Variants in MFHAS1 observed in about 807,000 individuals in gnomAD.
The protein encoded by MFHAS1 is multifunctional ROCO family signaling regulator 1, also known as malignant fibrous histiocytoma-amplified sequence 1.
MFHAS1 carries 50 observed loss-of-function variants against 70.4 expected under a neutral mutation model. The ratio of observed to expected loss-of-function variants is 0.71; its 90% confidence interval spans 0.57 to 0.90. The LOEUF (loss-of-function observed/expected upper bound fraction) is 0.90, where lower values mean the gene tolerates loss of function less well. MFHAS1 is among the 40% of genes least tolerant of loss of function. MFHAS1 has a pLI of 0.00. For missense variants in MFHAS1, 1,795 were observed against 1,347.6 expected (o/e 1.33, Z -5.20); for synonymous variants, 952 against 620.0 (o/e 1.54, Z -7.96).
chr8:8,844,151 A>G (rs1169790437), intron 1 of MFHAS1, among the ~76,000 whole-genome samples: 1 of 152,182 alleles, frequency 6.6e-6, no homozygotes, highest in Admixed American at 6.5e-5. Flanking sequence ...CTAGCAAGAG[A>G]ACTGTGGGCA....
At chr8:8,881,608 C>A (rs1263306704) in intron 1 of MFHAS1, among the ~76,000 whole-genome samples, 1 of 152,048 alleles carries the variant, frequency 6.6e-6, no homozygotes, top group Admixed American at 6.6e-5. Context: ...CTGAGGCGGG[C>A]GGATCACCTG....
At chr8:8,848,281 G>A (rs556377692) in intron 1 of MFHAS1, among the ~76,000 whole-genome samples, 3 of 151,816 alleles carry the variant, frequency 2.0e-5, no homozygotes, top group African/African-American at 7.3e-5. Context: ...CCTCCTCCTA[G>A]TCTTCAAAGA....
Position 8,786,043 on chromosome 8 carries a change from AC to A in MFHAS1, c.3137del (p.Gly1046ValfsTer46). On this transcript the variant is annotated frameshift_variant, in exon 3 of 3. Transcript: ENST00000276282. LOFTEE classifies it high-confidence loss of function. Reference protein sequence around the residue: ...VISPCSKKNVGEKHRNQ With the variant: ...VISPCSKKNVXEKHRNQ ...AACGTCACTGGTTTCTGTGCTTTTC[AC>A]CAACATTCTTCCTGTATGGGTGGAC... 1 of 1,614,170 alleles carries A rather than the reference AC, an allele frequency of 6.2e-7. No individual in the cohort carries two copies. Among genetic ancestry groups the A allele is most frequent in the Middle Eastern group, 1.6e-4 (1 of 6,062 alleles).
At chr8:8,795,976 C>G (rs1805878471) in intron 2 of MFHAS1, among the ~76,000 whole-genome samples, 3 of 152,202 alleles carry the variant, frequency 2.0e-5, no homozygotes, top group Non-Finnish European at 1.5e-5. Flanking sequence ...GTGCTGACAT[C>G]ACCCAGATCA....
rs533549745 is a variant in MFHAS1 at position 8,804,589 on chromosome 8, T to C, written c.2999-7098A>G. The stretch of plus-strand genomic sequence containing the variant: ...CCTCAGCACCTATCTTCAGTGAGTA[T>C]TCATGGCCTGGTCACTAGGCAACAC... On this transcript the variant is annotated intron_variant, in intron 1 of 2. Coordinates refer to ENST00000276282, the MANE Select transcript of MFHAS1 (RefSeq NM_004225.3). 2.6e-5 allele frequency among the ~76,000 whole-genome samples: 4 copies of C among 152,302 alleles called. No individual in the cohort carries two copies. In the East Asian group the frequency reaches 7.7e-4, roughly 29 times the overall value.
chr8:8,793,674 T>C (rs1163253427), intron 2 of MFHAS1, among the ~76,000 whole-genome samples: 1 of 152,254 alleles, frequency 6.6e-6, no homozygotes, highest in East Asian at 1.9e-4. Flanking sequence ...GCAGACAGCA[T>C]GGACAGTTTT....
At chr8:8,828,796 G>A (rs928771298) in intron 1 of MFHAS1, among the ~76,000 whole-genome samples, 1 of 152,186 alleles carries the variant, frequency 6.6e-6, no homozygotes, top group Admixed American at 6.5e-5. Flanking sequence ...AATAAGCATT[G>A]AGCAAAAGTG....
At chr8:8,846,363 G>A (rs1381752609) in intron 1 of MFHAS1, among the ~76,000 whole-genome samples, 1 of 131,840 alleles carries the variant, frequency 7.6e-6, no homozygotes, top group African/African-American at 2.8e-5. Context: ...GGGGGAGGAG[G>A]AGAAGGAGAA....
At chr8:8,794,375 C>G (rs1350659000) in intron 2 of MFHAS1, among the ~76,000 whole-genome samples, 1 of 152,056 alleles carries the variant, frequency 6.6e-6, no homozygotes, top group East Asian at 1.9e-4. Flanking sequence ...CTAACCGATC[C>G]CCCCAAATCT....
rs758360109 is a variant in MFHAS1 at position 8,890,184 on chromosome 8, T to C, written c.2875A>G (p.Ile959Val). 3 of 1,614,100 alleles carry C rather than the reference T, an allele frequency of 1.9e-6. No homozygotes were observed. The highest frequency in any genetic ancestry group is 2.5e-6 in the Non-Finnish European group (3 of 1,180,046). Residue 959 changes from isoleucine (I) to valine (V), a missense_variant, in exon 1 of 3, where the codon ATA (isoleucine) becomes GTA (valine). Physicochemically the swap from Ile to Val is conservative, Grantham distance 29. Transcript: ENST00000276282. ...LPNIWTAWQA[I>V]TPLVEELNVL... ...TTCAGTTCCTCCACCAAGGGGGTTA[T>C]GGCTTGCCATGCGGTCCATATATTT...
chr8:8,813,498 CA>C (rs1482948274), intron 1 of MFHAS1, among the ~76,000 whole-genome samples: 2 of 152,112 alleles, frequency 1.3e-5, no homozygotes, highest in Non-Finnish European at 2.9e-5. Context: ...AGGTAGAAGA[CA>C]GTGATATTGA....
In MFHAS1 at chr8:8,790,389, A is replaced by G. The variant is rs775501125; in HGVS notation, c.3126-4334T>C. 6.2e-4 allele frequency: 606 copies of G among 985,040 alleles called. 1 individual carries two copies. Among genetic ancestry groups the G allele is most frequent in the South Asian group, 6.6e-4 (14 of 21,294 alleles). The allele number at this position is 985,040 out of a possible 1,614,324, so 61.0% of individuals were successfully genotyped here. A position where few individuals can be genotyped will look rare whatever the true frequency, so the allele number is the denominator to read the frequency against. ...GTAAAAATGATGGCATAAGGAAAAG[A>G]AGCACTATCTTTTCCACTTAATTTT... On this transcript the variant is annotated intron_variant, in intron 2 of 2. Coordinates refer to ENST00000276282, the MANE Select transcript of MFHAS1 (RefSeq NM_004225.3).
intron 1 of MFHAS1, among the ~76,000 whole-genome samples, chr8:8,810,924 T>TGG (rs1554477691): frequency 1.3e-5 from 2 of 152,150 alleles, no homozygotes; most frequent in Non-Finnish European, 2.9e-5. Flanking sequence ...CTGGTAGAGC[T>TGG]GAGGCCTCCC....
At chr8:8,797,327 A>G (rs780600657) in intron 2 of MFHAS1, 38 bp downstream of exon 2, 4 of 1,609,652 alleles carry the variant, frequency 2.5e-6, no homozygotes, top group Non-Finnish European at 2.5e-6. Context: ...TGGGATCAGG[A>G]GCCAGGTCCC....
chr8:8,803,737 C>T lies in MFHAS1; in HGVS notation c.2999-6246G>A, dbSNP rs375834844. Among the ~76,000 whole-genome samples, 4 of 151,746 alleles carry T rather than the reference C, an allele frequency of 2.6e-5. No individual in the cohort carries two copies. The East Asian group carries it at 5.9e-4, about 22-fold the overall frequency. On this transcript the variant is annotated intron_variant, in intron 1 of 2. Coordinates refer to ENST00000276282, the MANE Select transcript of MFHAS1 (RefSeq NM_004225.3). ...CTGTAATCCCAGCACTTTGGGAGGCCGAGGCAGGCAAATCACCTGAGGTCA... is the reference window on the plus strand; with the variant it reads ...CTGTAATCCCAGCACTTTGGGAGGCTGAGGCAGGCAAATCACCTGAGGTCA...
chr8:8,845,416 C>T lies in MFHAS1; in HGVS notation c.2998+44645G>A, dbSNP rs565798236. Among the ~76,000 whole-genome samples, 47 of 152,272 alleles carry T rather than the reference C, an allele frequency of 3.1e-4. 1 individual carries two copies. The South Asian group carries it at 8.5e-3, about 28-fold the overall frequency. On this transcript the variant is annotated intron_variant, in intron 1 of 2. Transcript: ENST00000276282. Reference sequence around the variant, plus strand: ...TCACAGAGCATACCGGGTAGTGAAACCCAAGCCTGGGTGCACGCTTATCTA... The same window carrying T: ...TCACAGAGCATACCGGGTAGTGAAATCCAAGCCTGGGTGCACGCTTATCTA...
At chr8:8,846,567 G>C (rs1434140622) in intron 1 of MFHAS1, among the ~76,000 whole-genome samples, 1 of 151,978 alleles carries the variant, frequency 6.6e-6, no homozygotes, top group Non-Finnish European at 1.5e-5. Flanking sequence ...AAGTTCCCAA[G>C]CCTCACAGAA....
chr8:8,874,556 G>A (rs1194618969), intron 1 of MFHAS1, among the ~76,000 whole-genome samples: 1 of 152,110 alleles, frequency 6.6e-6, no homozygotes, highest in African/African-American at 2.4e-5. Context: ...TTTTACAGAG[G>A]AGACAGTTTG....
chr8:8,832,192 G>GA (rs752717546), intron 1 of MFHAS1, among the ~76,000 whole-genome samples: 51 of 137,824 alleles, frequency 3.7e-4, no homozygotes, highest in Non-Finnish European at 5.4e-4. Flanking sequence ...CAGAAAGAAA[G>GA]AAAAAAAAAA....
Sources: allele counts gnomAD v4.1 joint callset (sites outside exome capture counted in the v4.1 genomes callset), GRCh38; gene constraint gnomAD v4.1.1; transcripts MANE v1.5; gene names NCBI Gene and HGNC (gene_info 2026-07-23, HGNC 2026-07-21).